Variants in SLC17A8 observed in about 807,000 individuals in gnomAD.
SLC17A8 encodes the protein vesicular glutamate transporter 3.
In SLC17A8, 31 loss-of-function variants were observed where a neutral mutation model predicts 58.0. That is an observed-to-expected ratio of 0.53 (90% CI 0.40 to 0.72). SLC17A8 has a LOEUF of 0.72. Among genes scored for constraint, SLC17A8 ranks in the 30% least tolerant of loss-of-function variants. The pLI is 0.00. For missense variants in SLC17A8, 655 were observed against 727.8 expected, an observed-to-expected ratio of 0.90 and a Z score of 1.15; for synonymous variants, 228 against 249.0, an observed-to-expected ratio of 0.92 and a Z score of 0.79.
chr12:100,376,831 A>G (rs1050646862), intron 1 of SLC17A8, among the ~76,000 whole-genome samples: 4 of 151,702 alleles, frequency 2.6e-5, no homozygotes, highest in African/African-American at 9.7e-5. Flanking sequence ...TTTTTTTGAG[A>G]TGGAGTCTCA....
intron 9 of SLC17A8, among the ~76,000 whole-genome samples, chr12:100,412,464 G>A (rs1017051842): frequency 6.6e-6 from 1 of 151,934 alleles, no homozygotes; most frequent in Non-Finnish European, 1.5e-5. Context: ...AATGCATGTG[G>A]GGCCCAAAAC....
chr12:100,385,120 G>T (rs1952664157), intron 2 of SLC17A8, among the ~76,000 whole-genome samples: 1 of 151,380 alleles, frequency 6.6e-6, no homozygotes, highest in Non-Finnish European at 1.5e-5. Flanking sequence ...CTCTCTCTGT[G>T]TGTGTGTGTG....
intron 1 of SLC17A8, among the ~76,000 whole-genome samples, chr12:100,363,147 C>T (rs1952495868): frequency 6.6e-6 from 1 of 152,138 alleles, no homozygotes; most frequent in Non-Finnish European, 1.5e-5. Flanking sequence ...GCAGTCGTAA[C>T]CATATGTTGA....
chr12:100,390,153 TG>T (rs1308862194), intron 2 of SLC17A8, among the ~76,000 whole-genome samples: 2 of 151,970 alleles, frequency 1.3e-5, no homozygotes, highest in African/African-American at 4.8e-5. Flanking sequence ...TTTGTAGAGA[TG>T]GGGTCTCGCC....
Position 100,421,674 on chromosome 12 carries a change from T to TTTTTTTTTA in SLC17A8, c.*1521_*1522insTTATTTTTT, listed in dbSNP as rs1322336922. The TTTTTTTTTA allele has an allele frequency of 7.7e-6, 1 of 129,490 alleles. No individual in the cohort carries two copies. The highest frequency in any genetic ancestry group is 1.8e-5 in the Non-Finnish European group (1 of 55,704). The allele number at this position is 129,490 out of a possible 1,614,324, so 8.0% of individuals were successfully genotyped here. A position where few individuals can be genotyped will look rare whatever the true frequency, so the allele number is the denominator to read the frequency against. ...TTGTAAAGTGTTTTTTTTTTTTTTT[T>TTTTTTTTTA]TTTTTTCTAATTTCTCCCACATGTA... On this transcript the variant is annotated 3_prime_UTR_variant, in exon 12 of 12. Coordinates refer to ENST00000323346, the MANE Select transcript of SLC17A8 (RefSeq NM_139319.3).
At chr12:100,417,920 C>A in intron 10 of SLC17A8, 109 bp from the exon 11 acceptor site, 1 of 1,401,716 alleles carries the variant, frequency 7.1e-7, no homozygotes, top group Non-Finnish European at 1.0e-6. Context: ...TAGTCATATA[C>A]TAGAGGAAAC....
At chr12:100,360,151 A>T (rs1013918043) in intron 1 of SLC17A8, among the ~76,000 whole-genome samples, 3 of 152,258 alleles carry the variant, frequency 2.0e-5, no homozygotes, top group Non-Finnish European at 1.5e-5. Context: ...GCAGCTGAGC[A>T]ATTAATCAGC....
At chr12:100,388,362 G>A (rs1952690667) in intron 2 of SLC17A8, among the ~76,000 whole-genome samples, 1 of 151,982 alleles carries the variant, frequency 6.6e-6, no homozygotes, top group Non-Finnish European at 1.5e-5. Context: ...TATCTCCACT[G>A]GCATCTTCAA....
At chr12:100,385,292 G>A (rs374926428) in intron 2 of SLC17A8, among the ~76,000 whole-genome samples, 29 of 147,180 alleles carry the variant, frequency 2.0e-4, no homozygotes, top group East Asian at 1.8e-3. Flanking sequence ...GCTGGAGTGC[G>A]GTGACATGAT....
intron 1 of SLC17A8, among the ~76,000 whole-genome samples, chr12:100,378,217 G>A (rs1437111543): frequency 6.6e-6 from 1 of 152,166 alleles, no homozygotes; most frequent in Admixed American, 6.5e-5. Context: ...AGATAAAACA[G>A]AAGAATTAGG....
chr12:100,375,126 G>C (rs1952586097), intron 1 of SLC17A8, among the ~76,000 whole-genome samples: 1 of 149,784 alleles, frequency 6.7e-6, no homozygotes. Flanking sequence ...TACCAAGACA[G>C]GACTCGGCAC....
At chr12:100,381,953 C>G (rs559411378) in intron 2 of SLC17A8, among the ~76,000 whole-genome samples, 1 of 152,320 alleles carries the variant, frequency 6.6e-6, no homozygotes, top group East Asian at 1.9e-4. Context: ...ACGTGGGACA[C>G]AGTCATAGGT....
At chr12:100,415,501 C>A (rs888767580) in intron 10 of SLC17A8, among the ~76,000 whole-genome samples, 1 of 151,832 alleles carries the variant, frequency 6.6e-6, no homozygotes, top group Non-Finnish European at 1.5e-5. Flanking sequence ...GGCATGATCG[C>A]GGATCATTGC....
At chr12:100,395,579 C>G (rs111392822) in intron 4 of SLC17A8, among the ~76,000 whole-genome samples, 2,253 of 152,064 alleles carry the variant, frequency 0.015, 64 homozygotes, top group African/African-American at 0.05. Flanking sequence ...CCCACCTCGG[C>G]CTCCCAAACT....
intron 1 of SLC17A8, among the ~76,000 whole-genome samples, chr12:100,377,011 T>C (rs1197645354): frequency 2.0e-5 from 3 of 152,130 alleles, no homozygotes; most frequent in Admixed American, 6.5e-5. Flanking sequence ...GGTTTTGCCG[T>C]GTTGGTCAGT....
At position 100,421,660 on chromosome 12, in the gene SLC17A8, T is replaced by TG. The variant is rs1666293634; in HGVS notation, c.*1501_*1502insG. The TG allele has an allele frequency of 1.6e-5, 1 of 64,010 alleles. No individual in the cohort carries two copies. Among genetic ancestry groups the TG allele is most frequent in the East Asian group, 3.8e-4 (1 of 2,658 alleles). 4.0% of individuals were successfully genotyped at this position (64,010 alleles called of 1,614,324 possible). A position where few individuals can be genotyped will look rare whatever the true frequency, so the allele number is the denominator to read the frequency against. ...CTTGTAGCTTATTATTGTAAAGTGTTTTTTTTTTTTTTTTTTTTTTCTAAT... is the reference window on the plus strand; with the variant it reads ...CTTGTAGCTTATTATTGTAAAGTGTTGTTTTTTTTTTTTTTTTTTTTCTAAT... On this transcript the variant is annotated 3_prime_UTR_variant, in exon 12 of 12. Transcript: ENST00000323346.
chr12:100,379,174 C>T (rs879590223), intron 1 of SLC17A8, among the ~76,000 whole-genome samples: 4 of 151,750 alleles, frequency 2.6e-5, no homozygotes, highest in Middle Eastern at 3.2e-3. Context: ...CGGTGGCTCA[C>T]GCCTGTAATC....
rs375886857 is a variant in SLC17A8 at position 100,406,787 on chromosome 12, C to T, written c.1186+2617C>T. The stretch of plus-strand genomic sequence containing the variant: ...CTGACCTCAAGTAATCCGCCCGCCT[C>T]GGCCTTCCAAAGTGCTGGGATTACA... On this transcript the variant is annotated intron_variant, in intron 9 of 11. Transcript: ENST00000323346. Among the ~76,000 whole-genome samples, 11 of 152,248 alleles carry T rather than the reference C, an allele frequency of 7.2e-5. No homozygotes were observed. In the East Asian group the frequency reaches 1.2e-3, roughly 16 times the overall value.
At chr12:100,412,201 AC>A (rs1460023642) in intron 9 of SLC17A8, among the ~76,000 whole-genome samples, 5 of 152,158 alleles carry the variant, frequency 3.3e-5, no homozygotes, top group African/African-American at 1.2e-4. Flanking sequence ...TTCAAGGTGC[AC>A]CGCGATAATG....
Sources: allele counts gnomAD v4.1 joint callset (sites outside exome capture counted in the v4.1 genomes callset), GRCh38; gene constraint gnomAD v4.1.1; transcripts MANE v1.5; gene names NCBI Gene and HGNC (gene_info 2026-07-23, HGNC 2026-07-21).